PASK: variants seen among roughly 807,000 people sequenced by gnomAD.
PASK encodes the protein PAS domain-containing serine/threonine-protein kinase.
A neutral mutation model predicts 121.0 loss-of-function variants in PASK; 110 were observed. The observed-to-expected ratio is 0.91, with a 90% CI of 0.78 to 1.06. PASK has a LOEUF of 1.06. PASK is among the 50% of genes least tolerant of loss of function. The probability of loss-of-function intolerance (pLI) is 0.00; values close to 1 mark genes in which losing one functional copy is unlikely to be tolerated. For missense variants in PASK, 1,643 were observed against 1,702.3 expected (o/e 0.97, Z 0.61); for synonymous variants, 686 against 717.8 (o/e 0.96, Z 0.71).
intron 6 of PASK, among the ~76,000 whole-genome samples, chr2:241,137,593 C>A (rs1196747754): frequency 6.6e-6 from 1 of 152,216 alleles, no homozygotes; most frequent in African/African-American, 2.4e-5. Context: ...AGCCACGCCA[C>A]TGGCAACTGT....
rs55860398 is a variant in PASK, at chr2:241,106,637, G to C, written c.3901C>G (p.Pro1301Ala). 8.2e-5 allele frequency: 132 copies of C among 1,614,184 alleles called. 2 individuals are homozygous for C. In the East Asian group the frequency reaches 2.8e-3, roughly 34 times the overall value. ...VAQAQELCGG[P>A]VPGEAPNGQG... ...CCATTAGGAGCCTCGCCTGGAACGG[G>C]GCCCCCACAAAGCTCCTGAGCCTGG... is the stretch of plus-strand genomic sequence containing the variant. Residue 1301 changes from proline (P) to alanine (A), a missense_variant, in exon 18 of 18, where the codon CCC becomes GCC. Physicochemically the swap from Pro to Ala is conservative, Grantham distance 27 (BLOSUM62 -1). Coordinates refer to ENST00000234040, the MANE Select transcript of PASK (RefSeq NM_015148.4).
At chr2:241,142,540 A>C (rs755551159) in intron 2 of PASK, among the ~76,000 whole-genome samples, 1 of 152,230 alleles carries the variant, frequency 6.6e-6, no homozygotes, top group South Asian at 2.1e-4. Flanking sequence ...GCGTTCTCAC[A>C]TACTCTAAAG....
In PASK at chr2:241,137,169, C is replaced by T. The variant is rs376986738; in HGVS notation, c.972G>A (p.Ala324=). The change falls in exon 7 of 18, where the codon GCG becomes GCA. Residue 324 remains alanine (A), a synonymous_variant. Coordinates refer to ENST00000234040, the MANE Select transcript of PASK (RefSeq NM_015148.4). ...TCACAGGGGCCGCCTCACCGGTGGT[C>T]GCCTCCTCGCTGCTGGGTTGGGATT... The part of the protein sequence containing the change: ...KLKSQPSSEE[A]TTGEAAPVSG... The T allele has an allele frequency of 2.8e-5, 45 of 1,612,626 alleles. No homozygotes were observed. The highest frequency in any genetic ancestry group is 8.0e-5 in the African/African-American group (6 of 74,882).
intron 12 of PASK, among the ~76,000 whole-genome samples, chr2:241,121,479 A>C (rs2065608208): frequency 6.6e-6 from 1 of 152,254 alleles, no homozygotes; most frequent in Admixed American, 6.5e-5. Context: ...AAATATCCAG[A>C]AACAATAGAA....
chr2:241,143,213 A>G (rs758069), intron 1 of PASK, 139 bp from the exon 2 acceptor site: 284,866 of 652,870 alleles, frequency 0.44, 63,107 homozygotes, highest in Middle Eastern at 0.5. Context: ...CAGAACCCGC[A>G]ATGGGAGAAT....
intron 2 of PASK, among the ~76,000 whole-genome samples, chr2:241,141,965 C>A (rs1272296905): frequency 6.6e-6 from 1 of 152,176 alleles, no homozygotes; most frequent in African/African-American, 2.4e-5. Context: ...CCTCATGCAG[C>A]CACCAGAATG....
intron 12 of PASK, chr2:241,118,861 TG>T: frequency 1.1e-6 from 1 of 912,006 alleles, no homozygotes; most frequent in Non-Finnish European, 1.4e-6. Context: ...GAGGCCATGA[TG>T]GGGCACTTCC....
At chr2:241,113,754 G>A (rs2065208382) in intron 14 of PASK, 1 of 985,450 alleles carries the variant, frequency 1.0e-6, no homozygotes, top group South Asian at 4.7e-5. Flanking sequence ...CCCTGGACTG[G>A]CCATGCTGCC....
Position 241,140,712 on chromosome 2 carries a change from G to A in PASK, c.238C>T (p.Gln80Ter). 4.3e-6 allele frequency: 7 copies of A among 1,613,954 alleles called. No individual in the cohort carries two copies. Among genetic ancestry groups the A allele is most frequent in the Non-Finnish European group, 5.1e-6 (6 of 1,179,858 alleles). The change falls in exon 3 of 18, where the codon CAG (glutamine) becomes TAG (stop). Residue 80 changes from glutamine (Q) to a stop codon, truncating the protein, a stop_gained. Transcript: ENST00000234040. LOFTEE classifies it high-confidence loss of function. ...SSYCLSSLAA[Q>*]NICTSKLHCP... ...TGCAGTTTACTTGTACAAATATTCT[G>A]GGCAGCCAGTGATGATAGACAATAG...
In PASK at chr2:241,107,905, A is replaced by G. The variant is rs879223262; in HGVS notation, c.3667+262T>C. Among the ~76,000 whole-genome samples the G allele has an allele frequency of 6.6e-5, 10 of 150,458 alleles. 1 individual carries two copies. In the Admixed American group the frequency reaches 6.7e-4, roughly 10 times the overall value. On this transcript the variant is annotated intron_variant, in intron 16 of 17. Coordinates refer to ENST00000234040, the MANE Select transcript of PASK (RefSeq NM_015148.4). ...CTTTAACCATGTAGGCACCAAGTCA[A>G]CAGGGCCACTTGGAGCCTCCCTGTC...
intron 6 of PASK, among the ~76,000 whole-genome samples, chr2:241,137,486 G>A (rs1187374610): frequency 6.6e-6 from 1 of 151,676 alleles, no homozygotes; most frequent in East Asian, 2.0e-4. Context: ...GCCGCCCCAG[G>A]CACAGCAACC....
intron 12 of PASK, chr2:241,118,919 C>A: frequency 1.9e-6 from 2 of 1,035,832 alleles, no homozygotes; most frequent in Non-Finnish European, 2.3e-6. Flanking sequence ...TCTTCTCATA[C>A]AAGTCCCAGC....
At position 241,137,393 on chromosome 2, in the gene PASK, A is replaced by G; in HGVS notation, c.877-129T>C. Reference sequence around the variant, plus strand: ...GGTCCCCAGGACATCTCACACCCACACTGCTCTGCCTTCCCTCTCCTCCCA... The same window carrying G: ...GGTCCCCAGGACATCTCACACCCACGCTGCTCTGCCTTCCCTCTCCTCCCA... On this transcript the variant is annotated intron_variant, in intron 6 of 17. Transcript: ENST00000234040. The G allele has an allele frequency of 3.9e-6, 3 of 778,996 alleles. No individual in the cohort carries two copies. The East Asian group carries it at 7.3e-5, about 19-fold the overall frequency. 48.3% of individuals were successfully genotyped at this position (778,996 alleles called of 1,614,324 possible).
At chr2:241,121,182 G>A (rs143856070) in intron 12 of PASK, among the ~76,000 whole-genome samples, 4 of 152,322 alleles carry the variant, frequency 2.6e-5, no homozygotes, top group East Asian at 1.9e-4. Context: ...GAGGAAATTC[G>A]AGCAGGACGG....
chr2:241,111,888 T>G (rs942924407), intron 15 of PASK, among the ~76,000 whole-genome samples: 2 of 152,204 alleles, frequency 1.3e-5, no homozygotes, highest in African/African-American at 4.8e-5. Flanking sequence ...GAAATAGATA[T>G]TATTCCTGTC....
At chr2:241,149,735 G>C, upstream of PASK, 1 of 1,546,196 alleles carries the variant, frequency 6.5e-7, no homozygotes. Context: ...TCGCCTCTTG[G>C]AGGCCTCTTT....
rs533854544 is a variant in PASK at position 241,108,123 on chromosome 2, C to G, written c.3667+44G>C. ...AATGGGAAAAAAAAGTGGCTGGTCTCTAAGGACAGTGTCGACTGTCTACCA... is the reference window on the plus strand; with the variant it reads ...AATGGGAAAAAAAAGTGGCTGGTCTGTAAGGACAGTGTCGACTGTCTACCA... On this transcript the variant is annotated intron_variant, in intron 16 of 17. Coordinates refer to ENST00000234040, the MANE Select transcript of PASK (RefSeq NM_015148.4). This position sits in a 1 kb window ranked among gnomAD's most constrained non-coding sequence, Gnocchi z 5.2. The G allele has an allele frequency of 5.0e-6, 8 of 1,610,266 alleles. No individual in the cohort carries two copies. In the Admixed American group the frequency reaches 1.3e-4, roughly 27 times the overall value.
chr2:241,128,494 T>G (rs538029645), intron 9 of PASK, among the ~76,000 whole-genome samples: 7 of 152,266 alleles, frequency 4.6e-5, no homozygotes, highest in Admixed American at 3.9e-4. Flanking sequence ...AGACTGACAC[T>G]GGGCACCAGA....
In PASK at chr2:241,135,980, T is replaced by C. The variant is rs754111379; in HGVS notation, c.1197A>G (p.Ser399=). 1.9e-6 allele frequency: 3 copies of C among 1,613,364 alleles called. No individual in the cohort carries two copies. Among genetic ancestry groups the C allele is most frequent in the Non-Finnish European group, 2.5e-6 (3 of 1,179,268 alleles). Residue 399 remains serine, a synonymous_variant, in exon 8 of 18, where the codon TCA becomes TCG. Coordinates refer to ENST00000234040, the MANE Select transcript of PASK (RefSeq NM_015148.4). ...YSYMDLAYNS[S]LQLPDLASCL... ...AGCTGGCCAGGTCTGGGAGCTGTAA[T>C]GAGCTGTTGTACGCAAGGTCCATGT... is the stretch of plus-strand genomic sequence containing the variant.
Sources: allele counts gnomAD v4.1 joint callset (sites outside exome capture counted in the v4.1 genomes callset), GRCh38; gene constraint gnomAD v4.1.1; non-coding constraint Gnocchi (gnomAD v3.1); transcripts MANE v1.5; gene names NCBI Gene and HGNC (gene_info 2026-07-23, HGNC 2026-07-21).